The following ADCY1 variants were observed in gnomAD, a reference collection of about 807,000 sequenced individuals.
ADCY1 encodes the protein adenylate cyclase 1.
A neutral mutation model predicts 105.4 loss-of-function variants in ADCY1; 28 were observed. The ratio of observed to expected loss-of-function variants is 0.27; its 90% CI spans 0.20 to 0.36. ADCY1 has a LOEUF of 0.36. Ranked by LOEUF, ADCY1 falls within the 10% of genes least tolerant of loss-of-function variation. The pLI is 1.00. For missense variants in ADCY1, 977 were observed against 1,434.2 expected (o/e 0.68, Z 5.15); for synonymous variants, 655 against 623.8 (o/e 1.05, Z -0.75).
intron 14 of ADCY1, among the ~76,000 whole-genome samples, chr7:45,700,114 C>T (rs1046111409): frequency 6.6e-6 from 1 of 152,184 alleles, no homozygotes; most frequent in African/African-American, 2.4e-5. Context: ...GGGAGACTCA[C>T]TGGGTCAGGG....
At chr7:45,630,270 T>C (rs1392881125) in intron 4 of ADCY1, among the ~76,000 whole-genome samples, 2 of 152,224 alleles carry the variant, frequency 1.3e-5, no homozygotes, top group African/African-American at 4.8e-5. Flanking sequence ...GTTTATGAAG[T>C]CCAGTTTATC....
chr7:45,637,640 G>C (rs930601182), intron 4 of ADCY1, among the ~76,000 whole-genome samples: 1 of 152,104 alleles, frequency 6.6e-6, no homozygotes, highest in African/African-American at 2.4e-5. Flanking sequence ...CAGGAGGATC[G>C]CTTGAGCCCA....
rs967173099 is a variant in ADCY1 at position 45,718,417 on chromosome 7, C to T, written c.*4422C>T. ...GTAGAAGAGCCCTCTGAACAGGACA[C>T]CTGTTCAGGCCTGGGGGCCCCATGC... On this transcript the variant is annotated 3_prime_UTR_variant, in exon 20 of 20. Coordinates refer to ENST00000297323, the MANE Select transcript of ADCY1 (RefSeq NM_021116.4). The T allele has an allele frequency of 2.0e-5, 3 of 152,216 alleles. No homozygotes were observed. Among genetic ancestry groups the T allele is most frequent in the Admixed American group, 6.5e-5 (1 of 15,280 alleles). 9.4% of individuals were successfully genotyped at this position (152,216 alleles called of 1,614,324 possible).
At chr7:45,635,530 G>A (rs946651410) in intron 4 of ADCY1, among the ~76,000 whole-genome samples, 1 of 148,664 alleles carries the variant, frequency 6.7e-6, no homozygotes, top group African/African-American at 2.5e-5. Context: ...TATTACTTTA[G>A]CAGTATCCCA....
chr7:45,639,138 TAAAC>T (rs1794473630), intron 4 of ADCY1, among the ~76,000 whole-genome samples: 1 of 152,340 alleles, frequency 6.6e-6, no homozygotes, highest in Admixed American at 6.5e-5. Flanking sequence ...TGGGGGAAGT[TAAAC>T]AAACACAGAA....
chr7:45,674,273 A>C (rs1784416458), intron 8 of ADCY1, among the ~76,000 whole-genome samples: 1 of 152,078 alleles, frequency 6.6e-6, no homozygotes, highest in Non-Finnish European at 1.5e-5. Flanking sequence ...TATAAATGTC[A>C]ATTAGATCTT....
At chr7:45,704,693 C>A in intron 17 of ADCY1, 77 bp downstream of exon 17, 1 of 1,176,044 alleles carries the variant, frequency 8.5e-7, no homozygotes, top group Non-Finnish European at 1.2e-6. Flanking sequence ...CCCTGGGTAG[C>A]TTCCACACTG....
intron 4 of ADCY1, among the ~76,000 whole-genome samples, chr7:45,632,538 A>G (rs1452334984): frequency 8.2e-6 from 1 of 122,224 alleles, no homozygotes; most frequent in Non-Finnish European, 1.9e-5. Flanking sequence ...CATTTCTCAG[A>G]AATGTATAGT....
intron 2 of ADCY1, among the ~76,000 whole-genome samples, chr7:45,600,144 C>A (rs7810126): frequency 6.6e-6 from 1 of 152,158 alleles, no homozygotes; most frequent in African/African-American, 2.4e-5. Context: ...TGAGGACATG[C>A]GATCTGCTGT....
In ADCY1 at chr7:45,686,646, G is replaced by A. The variant is rs1234961597; in HGVS notation, c.2427G>A (p.Leu809=). The A allele has an allele frequency of 6.2e-7, 1 of 1,612,934 alleles. No individual in the cohort carries two copies. The highest frequency in any genetic ancestry group is 1.3e-5 in the African/African-American group (1 of 75,048). ...ALHARQVDIR[L]RLDYLWAAQA... is the part of the protein sequence containing the mutation. ...ATGCCAGGCAGGTGGACATCAGGCT[G>A]AGGCTGGACTACCTCTGGGCCGCAC... Residue 809 remains leucine (L), a synonymous_variant, in exon 14 of 20, where the codon CTG becomes CTA. Transcript: ENST00000297323. This position sits in a 1 kb window ranked among gnomAD's most constrained non-coding sequence, Gnocchi z 4.3.
At chr7:45,589,465 G>C (rs1792842515) in intron 1 of ADCY1, among the ~76,000 whole-genome samples, 1 of 152,220 alleles carries the variant, frequency 6.6e-6, no homozygotes, top group Admixed American at 6.5e-5. Context: ...TTGTCATTGT[G>C]ACATGTGCTA....
intron 11 of ADCY1, chr7:45,680,245 A>T: frequency 4.8e-6 from 1 of 209,410 alleles, no homozygotes; most frequent in South Asian, 8.8e-5. Context: ...AGGACAGAAG[A>T]GGGATGTTTA....
At chr7:45,685,497 G>A (rs2116208839) in intron 12 of ADCY1, among the ~76,000 whole-genome samples, 1 of 151,788 alleles carries the variant, frequency 6.6e-6, no homozygotes, top group African/African-American at 2.4e-5. Context: ...ACAAGATGGA[G>A]CTGGAGGCAG....
chr7:45,600,572 G>T (rs1427180790), intron 2 of ADCY1, among the ~76,000 whole-genome samples: 2 of 152,238 alleles, frequency 1.3e-5, no homozygotes, highest in East Asian at 3.8e-4. Context: ...AATAGAAGTT[G>T]TCTGTCTCAT....
intron 1 of ADCY1, among the ~76,000 whole-genome samples, chr7:45,589,620 T>G (rs1236625731): frequency 6.6e-6 from 1 of 151,882 alleles, no homozygotes; most frequent in East Asian, 1.9e-4. Context: ...TCCAACACAG[T>G]GGATGCATTT....
Position 45,589,189 on chromosome 7 carries a change from C to T in ADCY1, c.640-3570C>T, listed in dbSNP as rs1312047302. On this transcript the variant is annotated intron_variant, in intron 1 of 19. Coordinates refer to ENST00000297323, the MANE Select transcript of ADCY1 (RefSeq NM_021116.4). ...CGCTCGCAGCCCAGCACAGCCCTTG[C>T]TGGGATGAGGGCCCGAGAGGGTGTC... Among the ~76,000 whole-genome samples the T allele has an allele frequency of 2.6e-5, 4 of 152,142 alleles. No homozygotes were observed. The South Asian group carries it at 6.2e-4, about 24-fold the overall frequency.
intron 8 of ADCY1, among the ~76,000 whole-genome samples, chr7:45,671,019 TG>T (rs1384312418): frequency 6.6e-6 from 1 of 152,216 alleles, no homozygotes; most frequent in African/African-American, 2.4e-5. Context: ...TCTGCTTGTT[TG>T]GGGTTGTAGC....
At chr7:45,588,465 TAGGCAG>T (rs1348400677) in intron 1 of ADCY1, among the ~76,000 whole-genome samples, 1 of 152,358 alleles carries the variant, frequency 6.6e-6, no homozygotes, top group African/African-American at 2.4e-5. Context: ...TTTCTCTCAT[TAGGCAG>T]AGCTAGAACA....
intron 5 of ADCY1, among the ~76,000 whole-genome samples, chr7:45,655,269 G>A (rs1794906425): frequency 6.6e-6 from 1 of 152,226 alleles, no homozygotes; most frequent in South Asian, 2.1e-4. Flanking sequence ...CCAGAGGTGG[G>A]TTGCTTCCTC....
Sources: gnomAD v4.1 joint callset for allele counts (sites outside exome capture counted in the v4.1 genomes callset) on GRCh38, gnomAD v4.1.1 for gene constraint, Gnocchi (gnomAD v3.1) non-coding constraint, MANE v1.5 for transcripts, NCBI Gene and HGNC (gene_info 2026-07-23, HGNC 2026-07-21) for gene names.